AUTS2: variants seen among roughly 807,000 people sequenced by gnomAD.
AUTS2 encodes autism susceptibility gene 2 protein.
AUTS2 carries 17 observed loss-of-function variants against 112.4 expected under a neutral mutation model. That is an observed-to-expected ratio of 0.15 (90% CI 0.10 to 0.23). The LOEUF (loss-of-function observed/expected upper bound fraction) is 0.23, where lower values mean the gene tolerates loss of function less well. Ranked by LOEUF, AUTS2 falls within the 10% of genes least tolerant of loss-of-function variation. The probability of loss-of-function intolerance (pLI) is 1.00; values close to 1 mark genes in which losing one functional copy is unlikely to be tolerated. For missense variants in AUTS2, 1,510 were observed against 1,701.6 expected, an observed-to-expected ratio of 0.89 and a Z score of 1.98; for synonymous variants, 751 against 702.7, an observed-to-expected ratio of 1.07 and a Z score of -1.09.
At chr7:70,327,753 C>T (rs967456057) in intron 4 of AUTS2, among the ~76,000 whole-genome samples, 1 of 152,152 alleles carries the variant, frequency 6.6e-6, no homozygotes, top group African/African-American at 2.4e-5. Context: ...TTCCTCATCC[C>T]CTCCTTAGAC....
At chr7:70,760,376 G>A (rs1789495429) in intron 6 of AUTS2, among the ~76,000 whole-genome samples, 1 of 152,210 alleles carries the variant, frequency 6.6e-6, no homozygotes, top group African/African-American at 2.4e-5. Context: ...CTGTCAGTGT[G>A]AGAAGAGTCC....
intron 4 of AUTS2, among the ~76,000 whole-genome samples, chr7:70,263,435 G>A (rs917567101): frequency 7.9e-5 from 12 of 152,130 alleles, no homozygotes; most frequent in South Asian, 2.1e-4. Context: ...AAAATTTCAC[G>A]TCTGATTAAA....
chr7:69,739,751 A>C (rs1357682660), intron 1 of AUTS2, among the ~76,000 whole-genome samples: 1 of 152,196 alleles, frequency 6.6e-6, no homozygotes, highest in Non-Finnish European at 1.5e-5. Flanking sequence ...TTGAGGCTTT[A>C]ACTATCAGAT....
chr7:70,380,899 C>T (rs1038309414), intron 4 of AUTS2, among the ~76,000 whole-genome samples: 1 of 152,302 alleles, frequency 6.6e-6, no homozygotes, highest in East Asian at 1.9e-4. Flanking sequence ...CAGAAATATG[C>T]TATCAAACAC....
chr7:70,101,693 C>CA (rs1280416594), intron 2 of AUTS2, among the ~76,000 whole-genome samples: 1 of 151,182 alleles, frequency 6.6e-6, no homozygotes, highest in East Asian at 1.9e-4. Flanking sequence ...AGACCTATCT[C>CA]AAAAAACAAA....
chr7:70,697,424 T>C (rs937961903), intron 5 of AUTS2, among the ~76,000 whole-genome samples: 1 of 152,172 alleles, frequency 6.6e-6, no homozygotes, highest in Non-Finnish European at 1.5e-5. Flanking sequence ...TCACTTGCAT[T>C]GAGAACTAGA....
intron 5 of AUTS2, among the ~76,000 whole-genome samples, chr7:70,607,740 C>T (rs1010260868): frequency 4.0e-5 from 6 of 151,886 alleles, no homozygotes; most frequent in Non-Finnish European, 7.4e-5. Context: ...AAGTGGTACA[C>T]ACAAAAAAAG....
chr7:70,747,964 G>A (rs1272596863), intron 6 of AUTS2, among the ~76,000 whole-genome samples: 2 of 148,828 alleles, frequency 1.3e-5, no homozygotes, highest in African/African-American at 2.5e-5. Flanking sequence ...TGGGACTATA[G>A]GCACCTGCCA....
At chr7:70,780,286 A>G (rs887070338) in intron 14 of AUTS2, among the ~76,000 whole-genome samples, 5 of 152,204 alleles carry the variant, frequency 3.3e-5, no homozygotes, top group African/African-American at 1.2e-4. Flanking sequence ...TGCCAGGGGA[A>G]AAGATTGAGA....
intron 4 of AUTS2, among the ~76,000 whole-genome samples, chr7:70,209,075 A>G (rs1373043443): frequency 6.6e-6 from 1 of 152,162 alleles, no homozygotes; most frequent in Non-Finnish European, 1.5e-5. Flanking sequence ...AAGTGTAGAA[A>G]CTAGATCACC....
intron 2 of AUTS2, among the ~76,000 whole-genome samples, chr7:69,953,144 A>G (rs1797088272): frequency 6.6e-6 from 1 of 152,144 alleles, no homozygotes; most frequent in South Asian, 2.1e-4. Context: ...CTGTTAAGAG[A>G]TCTTGTCCTA....
Position 70,535,774 on chromosome 7 carries a change from G to A in AUTS2, c.690+99993G>A, listed in dbSNP as rs186717393. The stretch of plus-strand genomic sequence containing the variant: ...CAGTGGTGATCTGGGAGCCACTGGT[G>A]GACCACACTGGCTTAGTTAGTCTTC... On this transcript the variant is annotated intron_variant, in intron 5 of 18. Coordinates refer to ENST00000342771, the MANE Select transcript of AUTS2 (RefSeq NM_015570.4). Among the ~76,000 whole-genome samples, 65 of 152,268 alleles carry A rather than the reference G, an allele frequency of 4.3e-4. 1 individual carries two copies. Among genetic ancestry groups the A allele is most frequent in the African/African-American group, 1.4e-3 (57 of 41,562 alleles).
At chr7:70,763,376 C>T in intron 7 of AUTS2, 35 bp downstream of exon 7, 2 of 1,486,490 alleles carry the variant, frequency 1.3e-6, no homozygotes, top group Non-Finnish European at 1.8e-6. Context: ...CTGACTTTTG[C>T]CCTCTCCCTG....
chr7:70,752,178 A>G (rs540126584), intron 6 of AUTS2, among the ~76,000 whole-genome samples: 4 of 152,094 alleles, frequency 2.6e-5, no homozygotes, highest in Non-Finnish European at 5.9e-5. Context: ...GGAAGGCTGC[A>G]CTGGGAATGG....
chr7:69,825,408 G>GC (rs1201490171), intron 1 of AUTS2, among the ~76,000 whole-genome samples: 1 of 152,134 alleles, frequency 6.6e-6, no homozygotes, highest in East Asian at 1.9e-4. Flanking sequence ...GTATAACTGG[G>GC]CTGAGAGGCT....
At chr7:70,102,934 A>G (rs915984615) in intron 2 of AUTS2, among the ~76,000 whole-genome samples, 1 of 152,186 alleles carries the variant, frequency 6.6e-6, no homozygotes, top group Non-Finnish European at 1.5e-5. Context: ...AATGCAATTA[A>G]TATATTAAGA....
intron 5 of AUTS2, among the ~76,000 whole-genome samples, chr7:70,439,570 T>C (rs1026361392): frequency 6.9e-6 from 1 of 145,250 alleles, no homozygotes; most frequent in African/African-American, 2.6e-5. Flanking sequence ...AAGATAGAAA[T>C]TGGGTGGGGA....
chr7:70,431,471 C>T (rs761159088), intron 4 of AUTS2, among the ~76,000 whole-genome samples: 3 of 152,086 alleles, frequency 2.0e-5, no homozygotes, highest in Non-Finnish European at 4.4e-5. Flanking sequence ...CTACAACCTC[C>T]GTCTCCCTGG....
chr7:69,790,554 C>T (rs992108778), intron 1 of AUTS2, among the ~76,000 whole-genome samples: 2 of 152,100 alleles, frequency 1.3e-5, no homozygotes, highest in African/African-American at 4.8e-5. Flanking sequence ...GCTTTGTGAC[C>T]TTGAGTAAGC....
Sources: allele counts gnomAD v4.1 joint callset (sites outside exome capture counted in the v4.1 genomes callset), GRCh38; gene constraint gnomAD v4.1.1; transcripts MANE v1.5; gene names NCBI Gene and HGNC (gene_info 2026-07-23, HGNC 2026-07-21).